COG6: variants seen among roughly 807,000 people sequenced by gnomAD.
COG6 encodes the protein conserved oligomeric Golgi complex subunit 6.
In COG6, 74 loss-of-function variants were observed where a neutral mutation model predicts 88.8. That is an observed-to-expected ratio of 0.83 (90% CI 0.69 to 1.01). COG6 has a LOEUF of 1.01. Among genes scored for constraint, COG6 ranks in the 50% least tolerant of loss-of-function variants. The pLI is 0.00. For synonymous variants in COG6, 286 were observed against 278.7 expected (o/e 1.03, Z -0.26); for missense variants, 800 against 797.9 (o/e 1.00, Z -0.03).
intron 13 of COG6, among the ~76,000 whole-genome samples, chr13:39,704,442 TAAG>T (rs1877770602): frequency 6.6e-6 from 1 of 152,310 alleles, no homozygotes; most frequent in African/African-American, 2.4e-5. Flanking sequence ...AAAATGTTAT[TAAG>T]AAAATCATAA....
intron 18 of COG6, among the ~76,000 whole-genome samples, chr13:39,733,128 G>T (rs960968769): frequency 2.0e-4 from 30 of 150,890 alleles, no homozygotes; most frequent in African/African-American, 6.6e-4. Context: ...ATAAACGAAA[G>T]TAGAGAAGGT....
At chr13:39,714,145 C>G (rs1878394562) in intron 13 of COG6, among the ~76,000 whole-genome samples, 1 of 152,086 alleles carries the variant, frequency 6.6e-6, no homozygotes, top group Admixed American at 6.5e-5. Flanking sequence ...TCAACTTTCT[C>G]CCATCAGTGT....
intron 13 of COG6, among the ~76,000 whole-genome samples, chr13:39,709,826 A>G (rs531741475): frequency 2.0e-5 from 3 of 152,122 alleles, no homozygotes; most frequent in African/African-American, 7.2e-5. Context: ...TATCTTCGCT[A>G]TTGTGCATAT....
chr13:39,716,521 A>G (rs1240802656), intron 13 of COG6, among the ~76,000 whole-genome samples: 2 of 151,990 alleles, frequency 1.3e-5, no homozygotes, highest in African/African-American at 4.8e-5. Flanking sequence ...AGTAGGATTT[A>G]TGTCTGCAAT....
intron 13 of COG6, among the ~76,000 whole-genome samples, chr13:39,703,021 C>T (rs560657106): frequency 4.1e-4 from 62 of 152,172 alleles, no homozygotes; most frequent in African/African-American, 1.4e-3. Flanking sequence ...CTTTGCAAAA[C>T]CACCTTGAGT....
At chr13:39,720,068 G>A (rs1328027367) in intron 15 of COG6, among the ~76,000 whole-genome samples, 1 of 151,564 alleles carries the variant, frequency 6.6e-6, no homozygotes, top group Non-Finnish European at 1.5e-5. Flanking sequence ...GAACCAGAAT[G>A]TGTAATGTTT....
At chr13:39,670,595 A>G (rs1037975618) in intron 4 of COG6, among the ~76,000 whole-genome samples, 1 of 152,074 alleles carries the variant, frequency 6.6e-6, no homozygotes, top group Non-Finnish European at 1.5e-5. Flanking sequence ...AGATAACTAA[A>G]TTATTTACGT....
intron 18 of COG6, among the ~76,000 whole-genome samples, chr13:39,738,753 A>G (rs977569734): frequency 6.6e-5 from 10 of 152,204 alleles, no homozygotes; most frequent in Admixed American, 2.6e-4. Context: ...CTATATTACT[A>G]TAAGAAAAAT....
rs191813230 is a variant in COG6 at position 39,774,842 on chromosome 13, G to C, written c.1827-13493G>C. Among the ~76,000 whole-genome samples the C allele has an allele frequency of 3.9e-4, 60 of 152,038 alleles. 1 individual carries two copies. The highest frequency in any genetic ancestry group is 3.7e-3 in the East Asian group (19 of 5,176). On this transcript the variant is annotated intron_variant, in intron 18 of 18. Transcript: ENST00000416691. ...CCCACCTCATCCTTCCAAAGTGCTG[G>C]GATTACAGGTGTGAGCCACCGCGCC... is the stretch of plus-strand genomic sequence containing the variant.
At chr13:39,772,364 A>G (rs1881343050) in intron 18 of COG6, among the ~76,000 whole-genome samples, 1 of 152,174 alleles carries the variant, frequency 6.6e-6, no homozygotes, top group African/African-American at 2.4e-5. Flanking sequence ...CTTGAGTCCT[A>G]TCGTGTGTCA....
chr13:39,729,747 T>C (rs1041954144), intron 18 of COG6, among the ~76,000 whole-genome samples: 1 of 152,224 alleles, frequency 6.6e-6, no homozygotes, highest in African/African-American at 2.4e-5. Context: ...AGTGGGCATT[T>C]TCACACTTTT....
chr13:39,788,601 A>G (rs1056169863), exon 19 of COG6: 16 of 516,346 alleles, frequency 3.1e-5, no homozygotes, highest in Non-Finnish European at 5.2e-5. Flanking sequence ...CAGCATGTAG[A>G]GTTGCTGTGT....
At chr13:39,670,904 A>G (rs1271523241) in intron 4 of COG6, among the ~76,000 whole-genome samples, 1 of 152,096 alleles carries the variant, frequency 6.6e-6, no homozygotes, top group Non-Finnish European at 1.5e-5. Context: ...AAAATATAAA[A>G]CTTTATCTTG....
chr13:39,742,354 G>T (rs372121111), intron 18 of COG6, among the ~76,000 whole-genome samples: 25 of 152,082 alleles, frequency 1.6e-4, no homozygotes, highest in Admixed American at 1.6e-3. Context: ...GTATTCAGGA[G>T]ACCCATCTCA....
intron 13 of COG6, among the ~76,000 whole-genome samples, chr13:39,703,304 C>T (rs1323969674): frequency 2.0e-5 from 3 of 152,054 alleles, no homozygotes; most frequent in East Asian, 1.9e-4. Flanking sequence ...CGAGCAAAAG[C>T]GACATTTTGT....
chr13:39,732,801 T>G (rs570785143), intron 18 of COG6, among the ~76,000 whole-genome samples: 2 of 152,150 alleles, frequency 1.3e-5, no homozygotes, highest in Non-Finnish European at 2.9e-5. Flanking sequence ...GATATCATAG[T>G]GTAATTGAAG....
At chr13:39,766,527 C>T (rs1053350763) in intron 18 of COG6, among the ~76,000 whole-genome samples, 1 of 151,840 alleles carries the variant, frequency 6.6e-6, no homozygotes, top group Non-Finnish European at 1.5e-5. Context: ...CCCATCCTAC[C>T]CCATCCCATA....
At chr13:39,688,091 C>T (rs1276321123) in intron 10 of COG6, among the ~76,000 whole-genome samples, 1 of 152,112 alleles carries the variant, frequency 6.6e-6, no homozygotes, top group African/African-American at 2.4e-5. Flanking sequence ...GAATATTTAG[C>T]ATACATTTTC....
intron 3 of COG6, among the ~76,000 whole-genome samples, chr13:39,661,460 A>G (rs1284008085): frequency 6.6e-6 from 1 of 152,164 alleles, no homozygotes; most frequent in Non-Finnish European, 1.5e-5. Flanking sequence ...CAGCGAATTT[A>G]TATCTCTAAG....
Sources: allele counts gnomAD v4.1 joint callset (sites outside exome capture counted in the v4.1 genomes callset), GRCh38; gene constraint gnomAD v4.1.1; transcripts MANE v1.5; gene names NCBI Gene and HGNC (gene_info 2026-07-23, HGNC 2026-07-21).